The following OSTF1 variants were observed in gnomAD, a reference collection of about 807,000 sequenced individuals.
OSTF1 encodes osteoclast stimulating factor 1.
A neutral mutation model predicts 37.2 loss-of-function variants in OSTF1; 27 were observed. That is an observed-to-expected ratio of 0.73 (90% confidence interval 0.54 to 1.00). The LOEUF (loss-of-function observed/expected upper bound fraction) is 1.00. OSTF1 is among the 50% of genes least tolerant of loss of function. The probability of loss-of-function intolerance (pLI) is 0.00; values close to 1 mark genes in which losing one functional copy is unlikely to be tolerated. For synonymous variants in OSTF1, 82 were observed against 89.2 expected (o/e 0.92, Z 0.46); for missense variants, 232 against 253.8 (o/e 0.91, Z 0.58).
At chr9:75,127,454 A>C in intron 2 of OSTF1, 115 bp from the exon 3 acceptor site, 1 of 558,220 alleles carries the variant, frequency 1.8e-6, no homozygotes, top group Non-Finnish European at 3.2e-6. Flanking sequence ...TTATGTGCTG[A>C]TTTAAGTGTA....
intron 8 of OSTF1, 54 bp downstream of exon 8, chr9:75,137,670 T>C: frequency 1.8e-6 from 2 of 1,101,550 alleles, no homozygotes; most frequent in Non-Finnish European, 2.8e-6. Flanking sequence ...AAATAGTCTA[T>C]ATCAACTTAC....
At chr9:75,128,581 CATATAT>C (rs57516721) in intron 3 of OSTF1, among the ~76,000 whole-genome samples, 3 of 2,102 alleles carry the variant, frequency 1.4e-3, no homozygotes, top group East Asian at 6.0e-3. Flanking sequence ...ATATTTTGTC[CATATAT>C]ATATATATAT....
intron 1 of OSTF1, 112 bp downstream of exon 1, chr9:75,088,838 TC>T (rs1824870137): frequency 9.3e-7 from 1 of 1,069,740 alleles, no homozygotes; most frequent in Non-Finnish European, 1.4e-6. Context: ...GAGCCTGGCT[TC>T]CGAGATCGGC....
At chr9:75,127,780 T>G (rs1429553334) in intron 3 of OSTF1, among the ~76,000 whole-genome samples, 161 bp downstream of exon 3, 1 of 152,110 alleles carries the variant, frequency 6.6e-6, no homozygotes, top group Non-Finnish European at 1.5e-5. Flanking sequence ...ATAGCCCTTA[T>G]TTCCATCAAT....
Position 75,088,620 on chromosome 9 carries a change from C to T in OSTF1, c.-73C>T. ...GCCAGACAAAAAGAACTGGGGTGCC[C>T]GGAGTGCCAGGTGGCGGGCAAGCGG... On this transcript the variant is annotated 5_prime_UTR_variant, in exon 1 of 10. Coordinates refer to ENST00000346234, the MANE Select transcript of OSTF1 (RefSeq NM_012383.5). The T allele has an allele frequency of 2.7e-6, 4 of 1,495,992 alleles. No individual in the cohort carries two copies. Among genetic ancestry groups the T allele is most frequent in the South Asian group, 2.4e-5 (2 of 84,634 alleles). The allele number at this position is 1,495,992 out of a possible 1,614,324, so 92.7% of individuals were successfully genotyped here. A position where few individuals can be genotyped will look rare whatever the true frequency, so the allele number is the denominator to read the frequency against.
chr9:75,133,393 G>T lies in OSTF1; in HGVS notation c.350G>T (p.Gly117Val). 6.3e-7 allele frequency: 1 copy of T among 1,588,570 alleles called. No homozygotes were observed. Among genetic ancestry groups the T allele is most frequent in the South Asian group, 1.1e-5 (1 of 90,012 alleles). Residue 117 changes from glycine (G) to valine (V), a missense_variant, in exon 6 of 10, where the codon GGC becomes GTC. Gly to Val is a moderately radical substitution (Grantham distance 109, BLOSUM62 -3). Transcript: ENST00000346234. ...STALYWACHG[G>V]HKDIVEMLFT... ...GCCTTATACTGGGCTTGCCACGGGG[G>T]CCACAAAGGTATTACATTTTGTTTG...
rs559092136 is a variant in OSTF1, at chr9:75,140,999, C to T, written c.586+67C>T. 5.9e-5 allele frequency: 68 copies of T among 1,161,238 alleles called. No individual in the cohort carries two copies. The East Asian group carries it at 1.1e-3, about 19-fold the overall frequency. 71.9% of individuals were successfully genotyped at this position (1,161,238 alleles called of 1,614,324 possible). On this transcript the variant is annotated intron_variant, in intron 9 of 9. Coordinates refer to ENST00000346234, the MANE Select transcript of OSTF1 (RefSeq NM_012383.5). ...ACTAAGATTTATTAACTTAGAATGG[C>T]GCAAAAGAGATAAACTCAGCTGAGT...
chr9:75,089,522 G>T (rs1050380895), intron 1 of OSTF1, among the ~76,000 whole-genome samples: 2 of 152,114 alleles, frequency 1.3e-5, no homozygotes, highest in Admixed American at 6.5e-5. Flanking sequence ...AAAAGAAACT[G>T]ACGTATTTTA....
chr9:75,123,649 G>A (rs1349583364), intron 2 of OSTF1, among the ~76,000 whole-genome samples: 6 of 152,206 alleles, frequency 3.9e-5, no homozygotes, highest in African/African-American at 1.4e-4. Context: ...AAATTACCGT[G>A]TTGTATGTAC....
rs1481789672 is a variant in OSTF1, at chr9:75,123,596, G to GA, written c.82-3969dup. On this transcript the variant is annotated intron_variant, in intron 2 of 9. Transcript: ENST00000346234. ...GTATCCTGCTAGTGGTTTCTTAATGGAAAATGTGAATATTGCAGGTGAAAT... is the reference window on the plus strand; with the variant it reads ...GTATCCTGCTAGTGGTTTCTTAATGGAAAAATGTGAATATTGCAGGTGAAAT... Among the ~76,000 whole-genome samples, 11 of 152,178 alleles carry GA rather than the reference G, an allele frequency of 7.2e-5. No homozygotes were observed. The East Asian group carries it at 1.5e-3, about 21-fold the overall frequency.
chr9:75,126,119 T>G (rs1262233546), intron 2 of OSTF1, among the ~76,000 whole-genome samples: 1 of 152,182 alleles, frequency 6.6e-6, no homozygotes, highest in Non-Finnish European at 1.5e-5. Flanking sequence ...TTCACCATGT[T>G]GGCCAGGCTG....
At chr9:75,111,846 C>T (rs1398754213) in intron 1 of OSTF1, among the ~76,000 whole-genome samples, 4 of 51,804 alleles carry the variant, frequency 7.7e-5, no homozygotes, top group Non-Finnish European at 1.1e-4. Flanking sequence ...TTTTTTGAGG[C>T]GGAGTTTCTC....
intron 5 of OSTF1, among the ~76,000 whole-genome samples, chr9:75,132,996 CA>C (rs781394063): frequency 1.4e-3 from 117 of 86,248 alleles, no homozygotes; most frequent in Admixed American, 2.4e-3. Flanking sequence ...CACACACACA[CA>C]CACACACACA....
chr9:75,089,280 G>T (rs945688788), intron 1 of OSTF1, among the ~76,000 whole-genome samples: 2 of 150,366 alleles, frequency 1.3e-5, no homozygotes, highest in East Asian at 3.9e-4. Flanking sequence ...CCCTATACTC[G>T]CGCTCCTGGT....
At chr9:75,137,272 G>C (rs1269699933) in intron 7 of OSTF1, among the ~76,000 whole-genome samples, 1 of 151,930 alleles carries the variant, frequency 6.6e-6, no homozygotes, top group Non-Finnish European at 1.5e-5. Flanking sequence ...CTTCCTCCTG[G>C]ATCTCCCTCC....
intron 1 of OSTF1, among the ~76,000 whole-genome samples, chr9:75,104,078 CAAAAA>C (rs1199514732): frequency 6.8e-6 from 1 of 147,734 alleles, no homozygotes; most frequent in Non-Finnish European, 1.5e-5. Context: ...AAATACAAAA[CAAAAA>C]AAAAAGTAGC....
intron 1 of OSTF1, among the ~76,000 whole-genome samples, chr9:75,104,182 T>A (rs1051209750): frequency 2.0e-5 from 3 of 152,130 alleles, no homozygotes; most frequent in African/African-American, 7.2e-5. Context: ...AAGTCAAGGC[T>A]GCAGTGAGCT....
rs148202511 is a variant in OSTF1 at position 75,097,276 on chromosome 9, G to T, written c.34+8550G>T. Among the ~76,000 whole-genome samples the T allele has an allele frequency of 2.1e-3, 317 of 152,294 alleles. 2 individuals are homozygous for T. Among genetic ancestry groups the T allele is most frequent in the East Asian group, 0.014 (70 of 5,180 alleles). Reference sequence around the variant, plus strand: ...TATCCGAAGCTGAAATGTGAGGTAGGAGTCACTACTATGGTGACTGCCTGC... The same window carrying T: ...TATCCGAAGCTGAAATGTGAGGTAGTAGTCACTACTATGGTGACTGCCTGC... On this transcript the variant is annotated intron_variant, in intron 1 of 9. Transcript: ENST00000346234.
chr9:75,131,879 A>C (rs1422931855), intron 5 of OSTF1, 56 bp downstream of exon 5: 1 of 1,330,386 alleles, frequency 7.5e-7, no homozygotes, highest in Non-Finnish European at 1.1e-6. Context: ...CACGGATTTC[A>C]ATTAGCTTTG....
Sources: gnomAD v4.1 joint callset for allele counts (sites outside exome capture counted in the v4.1 genomes callset) on GRCh38, gnomAD v4.1.1 for gene constraint, MANE v1.5 for transcripts, NCBI Gene and HGNC (gene_info 2026-07-23, HGNC 2026-07-21) for gene names.